Variants in CYP24A1 observed in about 807,000 individuals in gnomAD.
CYP24A1 encodes cytochrome P450 family 24 subfamily A member 1, also known as 1,25-dihydroxyvitamin D(3) 24-hydroxylase, mitochondrial.
CYP24A1 carries 68 observed loss-of-function variants against 62.4 expected under a neutral mutation model. The observed-to-expected ratio is 1.09, with a 90% CI of 0.90 to 1.33. The LOEUF is 1.33. CYP24A1 is among the 40% of genes most tolerant of loss of function. The pLI is 0.00. For synonymous variants in CYP24A1, 267 were observed against 253.0 expected (o/e 1.06, Z -0.52); for missense variants, 787 against 653.0 (o/e 1.21, Z -2.24).
At chr20:54,161,665 T>C (rs892113331) in intron 7 of CYP24A1, among the ~76,000 whole-genome samples, 3 of 151,778 alleles carry the variant, frequency 2.0e-5, no homozygotes, top group Non-Finnish European at 4.4e-5. Context: ...AGAGGTCACG[T>C]TCCAGTTGAA....
chr20:54,171,275 C>G (rs1332019883), intron 3 of CYP24A1, among the ~76,000 whole-genome samples: 2 of 152,130 alleles, frequency 1.3e-5, no homozygotes, highest in Non-Finnish European at 2.9e-5. Context: ...TGGTATATAG[C>G]CAGGTCTCAT....
downstream of CYP24A1, among the ~76,000 whole-genome samples, chr20:54,148,464 A>G (rs1427399757): frequency 6.6e-6 from 1 of 151,690 alleles, no homozygotes; most frequent in Non-Finnish European, 1.5e-5. Flanking sequence ...CCCAGTAGCA[A>G]CAAGCACCAG....
At chr20:54,161,058 A>G (rs902220202) in intron 7 of CYP24A1, among the ~76,000 whole-genome samples, 9 of 152,260 alleles carry the variant, frequency 5.9e-5, no homozygotes, top group Non-Finnish European at 1.0e-4. Flanking sequence ...AAATGCTGCA[A>G]GAGCTTCCCA....
intron 3 of CYP24A1, among the ~76,000 whole-genome samples, chr20:54,170,745 T>C (rs2092691168): frequency 6.6e-6 from 1 of 152,182 alleles, no homozygotes; most frequent in Non-Finnish European, 1.5e-5. Flanking sequence ...CTGAAATTTT[T>C]ACTGGGTCTG....
In CYP24A1 at chr20:54,157,556, C is replaced by T; in HGVS notation, c.1266G>A (p.Leu422=). The change falls in exon 10 of 12, where the codon TTG becomes TTA. Residue 422 remains leucine (L), a synonymous_variant. Transcript: ENST00000216862. ...GTVLMLNTQV[L]GSSEDNFEDS... ...CTTCAAAATTGTCTTCACTGGATCCCAACACCTGGGTATTTAGCATGAGCA... is the reference window on the plus strand; with the variant it reads ...CTTCAAAATTGTCTTCACTGGATCCTAACACCTGGGTATTTAGCATGAGCA... The T allele has an allele frequency of 2.5e-6, 4 of 1,599,310 alleles. No homozygotes were observed. The highest frequency in any genetic ancestry group is 2.6e-6 in the Non-Finnish European group (3 of 1,166,536).
At chr20:54,149,456 T>C (rs1386903215), downstream of CYP24A1, among the ~76,000 whole-genome samples, 1 of 152,090 alleles carries the variant, frequency 6.6e-6, no homozygotes, top group Admixed American at 6.6e-5. Context: ...CACAATAATA[T>C]ATATGGAATT....
chr20:54,157,291 T>G lies in CYP24A1; in HGVS notation c.1435-2A>C. On this transcript the variant is annotated splice_acceptor_variant, in intron 10 of 11. Transcript: ENST00000216862. LOFTEE classifies it high-confidence loss of function. The stretch of plus-strand genomic sequence containing the variant: ...CTGGATGTCGTATTTGCGGACAATC[T>G]GTAATGCACACGCACACAAAAACAG... The G allele has an allele frequency of 6.3e-7, 1 of 1,584,036 alleles. No homozygotes were observed. The highest frequency in any genetic ancestry group is 8.7e-7 in the Non-Finnish European group (1 of 1,152,660).
rs77621499 is a variant in CYP24A1 at position 54,162,508 on chromosome 20, C to T, written c.990+209G>A. The T allele has an allele frequency of 4.1e-5, 15 of 368,990 alleles. 1 individual carries two copies. Among genetic ancestry groups the T allele is most frequent in the East Asian group, 1.6e-4 (2 of 12,744 alleles). The allele number at this position is 368,990 out of a possible 1,614,324, so 22.9% of individuals were successfully genotyped here. ...AAGCCCGTGCATGGAGGCACCGTGG[C>T]GTCTGGTATGAGGCCGTGCGCTGAG... On this transcript the variant is annotated intron_variant, in intron 7 of 11. Coordinates refer to ENST00000216862, the MANE Select transcript of CYP24A1 (RefSeq NM_000782.5).
downstream of CYP24A1, among the ~76,000 whole-genome samples, chr20:54,151,919 C>A (rs889692307): frequency 6.6e-6 from 1 of 152,124 alleles, no homozygotes; most frequent in East Asian, 1.9e-4. Context: ...ACTTACAGGG[C>A]AGTGACAAGG....
intron 6 of CYP24A1, 41 bp downstream of exon 6, chr20:54,164,411 G>T (rs952668735): frequency 1.7e-5 from 27 of 1,613,716 alleles, no homozygotes; most frequent in Non-Finnish European, 2.1e-5. Flanking sequence ...ACACGGGGGT[G>T]CTGGGCTGGT....
At chr20:54,145,409 G>A in the CYP24A1 span, among the ~76,000 whole-genome samples, 6 of 151,976 alleles carry the variant, frequency 3.9e-5, no homozygotes, top group Non-Finnish European at 5.9e-5. Context: ...TCTCTATAAG[G>A]CGGGCAGATC....
Position 54,162,773 on chromosome 20 carries a change from A to C in CYP24A1, c.934T>G (p.Ser312Ala), listed in dbSNP as rs757588339. 1 of 1,587,046 alleles carries C rather than the reference A, an allele frequency of 6.3e-7. No homozygotes were observed. ...ACAGCAGCATACAATTCTTTCTTTGAAAGCCGATTCTGGTGATAAATGTCA... is the reference window on the plus strand; with the variant it reads ...ACAGCAGCATACAATTCTTTCTTTGCAAGCCGATTCTGGTGATAAATGTCA... Reference protein sequence around the residue: ...LCDIYHQNRLSKKELYAAVTE... With the variant: ...LCDIYHQNRLAKKELYAAVTE... The change falls in exon 7 of 12, where the codon TCA becomes GCA. Residue 312 changes from serine (S) to alanine (A), a missense_variant. Coordinates refer to ENST00000216862, the MANE Select transcript of CYP24A1 (RefSeq NM_000782.5).
Position 54,172,996 on chromosome 20 carries a change from G to A in CYP24A1, c.362C>T (p.Thr121Ile). Residue 121 changes from threonine to isoleucine, a missense_variant, in exon 2 of 12, where the codon ACC becomes ATC. Transcript: ENST00000216862. ...CAGCCGCTGCGGGTACGCGCTCTCGGTGCGGTACAGCGCTTCCAGCAGGCA... is the reference window on the plus strand; with the variant it reads ...CAGCCGCTGCGGGTACGCGCTCTCGATGCGGTACAGCGCTTCCAGCAGGCA... ...SPCLLEALYR[T>I]ESAYPQRLEI... is the part of the protein sequence containing the mutation. 2 of 1,612,180 alleles carry A rather than the reference G, an allele frequency of 1.2e-6. No individual in the cohort carries two copies. The highest frequency in any genetic ancestry group is 1.7e-6 in the Non-Finnish European group (2 of 1,180,036).
intron 7 of CYP24A1, among the ~76,000 whole-genome samples, chr20:54,161,519 G>A (rs1396388431): frequency 3.3e-5 from 5 of 152,028 alleles, no homozygotes. Flanking sequence ...AACAGTCCCA[G>A]GCATACAGTA....
At chr20:54,164,135 C>T (rs558273631) in intron 6 of CYP24A1, among the ~76,000 whole-genome samples, 203 of 152,242 alleles carry the variant, frequency 1.3e-3, no homozygotes, top group African/African-American at 2.3e-3. Flanking sequence ...TGGGTTTCAC[C>T]GTGTTGACCG....
chr20:54,158,115 C>T lies in CYP24A1; in HGVS notation c.1207G>A (p.Val403Ile), dbSNP rs373243941. The change falls in exon 9 of 12, where the codon GTT (valine) becomes ATT (isoleucine). Residue 403 changes from valine (V) to isoleucine (I), a missense_variant. Transcript: ENST00000216862. ...FTTRTLDKATVLGEYALPKGT... is the reference protein window; with the variant it reads ...FTTRTLDKATILGEYALPKGT... Reference sequence around the variant, plus strand: ...TTGGGTAAAGCATATTCACCCAGAACTGTTGCCTTGTCAAGAGTCCGAGTT... The same window carrying T: ...TTGGGTAAAGCATATTCACCCAGAATTGTTGCCTTGTCAAGAGTCCGAGTT... 56 of 1,613,892 alleles carry T rather than the reference C, an allele frequency of 3.5e-5. No homozygotes were observed. Among genetic ancestry groups the T allele is most frequent in the Non-Finnish European group, 4.7e-5 (55 of 1,180,022 alleles).
At chr20:54,170,373 C>A (rs2092689803) in intron 3 of CYP24A1, among the ~76,000 whole-genome samples, 1 of 152,098 alleles carries the variant, frequency 6.6e-6, no homozygotes, top group Admixed American at 6.5e-5. Context: ...CTACTCATTT[C>A]CCATGTAGTA....
the CYP24A1 span, among the ~76,000 whole-genome samples, chr20:54,144,427 G>A: frequency 0.19 from 28,605 of 149,996 alleles, 3,146 homozygotes; most frequent in East Asian, 0.3. Flanking sequence ...TTTTTTTTTT[G>A]AAGTTTTTGT....
At position 54,153,805 on chromosome 20, in the gene CYP24A1, G is replaced by A. The variant is rs1291057500; in HGVS notation, c.*967C>T. 1.3e-5 allele frequency: 2 copies of A among 152,516 alleles called. No individual in the cohort carries two copies. Among genetic ancestry groups the A allele is most frequent in the African/African-American group, 4.8e-5 (2 of 41,408 alleles). The allele number at this position is 152,516 out of a possible 1,614,324, so 9.4% of individuals were successfully genotyped here. A position where few individuals can be genotyped will look rare whatever the true frequency, so the allele number is the denominator to read the frequency against. ...CATTTATGAAATCATATTTTTCCTA[G>A]GAGTTCAAATCACAAAACAAATGTT... is the stretch of plus-strand genomic sequence containing the variant. On this transcript the variant is annotated 3_prime_UTR_variant, in exon 12 of 12. Coordinates refer to ENST00000216862, the MANE Select transcript of CYP24A1 (RefSeq NM_000782.5).
Sources: allele counts gnomAD v4.1 joint callset (sites outside exome capture counted in the v4.1 genomes callset), GRCh38; gene constraint gnomAD v4.1.1; transcripts MANE v1.5; gene names NCBI Gene and HGNC (gene_info 2026-07-23, HGNC 2026-07-21).